The following ZFHX3 variants were observed in gnomAD, a reference collection of about 807,000 sequenced individuals.
ZFHX3 encodes zinc finger homeobox protein 3.
A neutral mutation model predicts 279.1 loss-of-function variants in ZFHX3; 42 were observed. The observed-to-expected ratio is 0.15, with a 90% confidence interval of 0.12 to 0.19. The LOEUF is 0.19. Ranked by LOEUF, ZFHX3 falls within the 10% of genes least tolerant of loss-of-function variation. ZFHX3 has a pLI of 1.00. For synonymous variants in ZFHX3, 2,293 were observed against 1,957.8 expected, an observed-to-expected ratio of 1.17 and a Z score of -4.52; for missense variants, 4,981 against 4,754.0, an observed-to-expected ratio of 1.05 and a Z score of -1.40.
chr16:73,806,378 G>A (rs1567416587), intron 1 of ZFHX3, among the ~76,000 whole-genome samples: 1 of 152,226 alleles, frequency 6.6e-6, no homozygotes, highest in African/African-American at 2.4e-5. Context: ...TGTGACCACA[G>A]CACAGTGAGA....
At chr16:73,229,828 G>A (rs2012717048) in intron 5 of ZFHX3, among the ~76,000 whole-genome samples, 1 of 152,122 alleles carries the variant, frequency 6.6e-6, no homozygotes, top group Non-Finnish European at 1.5e-5. Flanking sequence ...GACTTCATTT[G>A]GAAATTAGGT....
At chr16:73,291,402 T>A (rs1321250567) in intron 4 of ZFHX3, among the ~76,000 whole-genome samples, 1 of 152,214 alleles carries the variant, frequency 6.6e-6, no homozygotes, top group Admixed American at 6.5e-5. Flanking sequence ...TTCTCTGGAA[T>A]GAAGGTTTAT....
intron 4 of ZFHX3, among the ~76,000 whole-genome samples, chr16:73,266,106 C>G (rs2013965367): frequency 6.6e-6 from 1 of 152,182 alleles, no homozygotes; most frequent in Non-Finnish European, 1.5e-5. Flanking sequence ...AGCTGCTCTC[C>G]CATTCATCAA....
At chr16:72,798,855 T>G in intron 8 of ZFHX3, 141 bp from the exon 9 acceptor site, 1 of 1,393,498 alleles carries the variant, frequency 7.2e-7, no homozygotes, top group African/African-American at 1.4e-5. Context: ...AATGACAGAA[T>G]CTCTGCGGAG....
chr16:73,129,969 G>C (rs751323695), intron 7 of ZFHX3, among the ~76,000 whole-genome samples: 20 of 152,158 alleles, frequency 1.3e-4, no homozygotes, highest in African/African-American at 4.8e-4. Context: ...TAACCCGAGA[G>C]CATTGCCAGT....
chr16:73,752,859 C>T lies in ZFHX3; in HGVS notation c.-1607-72619G>A, dbSNP rs79741281. Among the ~76,000 whole-genome samples, 873 of 152,358 alleles carry T rather than the reference C, an allele frequency of 5.7e-3. 8 individuals are homozygous for T. The highest frequency in any genetic ancestry group is 0.02 in the African/African-American group (835 of 41,586). The stretch of plus-strand genomic sequence containing the variant: ...CTCTTTCAGAAGGTATGTCTCCTCA[C>T]ATCCTCCTGCAGTGCCAGATAACAT... On this transcript the variant is annotated intron_variant, in intron 1 of 17. Transcript: ENST00000641206.
chr16:73,198,945 T>C (rs976016754), intron 5 of ZFHX3, among the ~76,000 whole-genome samples: 3 of 152,234 alleles, frequency 2.0e-5, no homozygotes, highest in Non-Finnish European at 2.9e-5. Flanking sequence ...ACATTGGATG[T>C]CATTTTAAAT....
Position 73,685,980 on chromosome 16 carries a change from T to G in ZFHX3, c.-1607-5740A>C, listed in dbSNP as rs139093269. Among the ~76,000 whole-genome samples, 15 of 152,374 alleles carry G rather than the reference T, an allele frequency of 9.8e-5. No homozygotes were observed. In the East Asian group the frequency reaches 2.9e-3, roughly 29 times the overall value. ...AAAAAGAAATGTGTTCATGTATGTG[T>G]AGGAAAAGGCTTAAGCAAAATTAAA... On this transcript the variant is annotated intron_variant, in intron 1 of 17. Coordinates refer to the ZFHX3 transcript ENST00000641206.
chr16:73,134,903 C>G (rs1966762870), intron 6 of ZFHX3, among the ~76,000 whole-genome samples: 1 of 151,984 alleles, frequency 6.6e-6, no homozygotes, highest in Non-Finnish European at 1.5e-5. Flanking sequence ...GCTTTGAAGT[C>G]AGGCCCAAGC....
intron 5 of ZFHX3, among the ~76,000 whole-genome samples, chr16:73,154,688 A>G (rs1967029485): frequency 6.6e-6 from 1 of 152,178 alleles, no homozygotes; most frequent in Admixed American, 6.5e-5. Context: ...GGCTTTGAAA[A>G]ATAGAAATAT....
chr16:73,795,057 A>T (rs1959951530), intron 1 of ZFHX3, among the ~76,000 whole-genome samples: 1 of 152,182 alleles, frequency 6.6e-6, no homozygotes, highest in South Asian at 2.1e-4. Context: ...AGTGCTTGGA[A>T]CAAGTATTGG....
intron 1 of ZFHX3, chr16:73,812,503 T>C (rs566746174): frequency 6.6e-6 from 1 of 152,322 alleles, no homozygotes; most frequent in Non-Finnish European, 1.5e-5. Context: ...TTTGGGCAGT[T>C]ATTATGTCAT....
intron 1 of ZFHX3, among the ~76,000 whole-genome samples, chr16:73,764,527 G>T (rs931728379): frequency 1.3e-5 from 2 of 152,078 alleles, no homozygotes; most frequent in African/African-American, 4.8e-5. Context: ...AATTAGGTCA[G>T]CGGCTCTGTA....
chr16:73,197,319 T>G (rs765549712), intron 5 of ZFHX3, among the ~76,000 whole-genome samples: 12 of 152,100 alleles, frequency 7.9e-5, no homozygotes, highest in Non-Finnish European at 1.5e-4. Context: ...TATTGCTATA[T>G]CCACGGCATG....
intron 3 of ZFHX3, among the ~76,000 whole-genome samples, chr16:73,325,918 C>A (rs201379809): frequency 1.5e-5 from 1 of 66,618 alleles, no homozygotes; most frequent in South Asian, 4.9e-4. Flanking sequence ...CACACACACA[C>A]ACACACACAA....
chr16:73,820,364 C>T (rs1960701298), intron 1 of ZFHX3, among the ~76,000 whole-genome samples: 2 of 152,176 alleles, frequency 1.3e-5, no homozygotes, highest in Non-Finnish European at 2.9e-5. Context: ...TGAGCCACCA[C>T]ACCCGGCCTG....
chr16:73,775,848 C>T (rs1296400168), intron 1 of ZFHX3, among the ~76,000 whole-genome samples: 2 of 152,146 alleles, frequency 1.3e-5, no homozygotes, highest in African/African-American at 4.8e-5. Flanking sequence ...TAGAACCCTG[C>T]TCCTCTCCCT....
chr16:73,389,385 A>T (rs1372579971), intron 3 of ZFHX3: 1 of 152,250 alleles, frequency 6.6e-6, no homozygotes, highest in East Asian at 1.9e-4. Context: ...GCTGCCCTCT[A>T]GTCTAAAGCA....
At chr16:72,851,146 G>C (rs774576829) in intron 4 of ZFHX3, among the ~76,000 whole-genome samples, 1 of 152,142 alleles carries the variant, frequency 6.6e-6, no homozygotes, top group Admixed American at 6.5e-5. Flanking sequence ...GTACGGAGGA[G>C]AGGAGAGTCC....
Sources: allele counts gnomAD v4.1 joint callset (sites outside exome capture counted in the v4.1 genomes callset), GRCh38; gene constraint gnomAD v4.1.1; transcripts MANE v1.5; gene names NCBI Gene and HGNC (gene_info 2026-07-23, HGNC 2026-07-21).